Variants in RIMBP2 observed in about 807,000 individuals in gnomAD.
The protein encoded by RIMBP2 is RIMS-binding protein 2.
Under a neutral mutation model 118.6 loss-of-function variants are expected in RIMBP2, and 48 were observed. That is an observed-to-expected ratio of 0.40 (90% CI 0.32 to 0.51). The LOEUF is 0.51. RIMBP2 is among the 20% of genes least tolerant of loss of function. The pLI is 0.41. For synonymous variants in RIMBP2, 762 were observed against 742.9 expected, an observed-to-expected ratio of 1.03 and a Z score of -0.42; for missense variants, 1,551 against 1,768.3, an observed-to-expected ratio of 0.88 and a Z score of 2.20.
intron 2 of RIMBP2, among the ~76,000 whole-genome samples, chr12:130,543,993 A>T (rs1368842306): frequency 6.6e-6 from 1 of 152,108 alleles, no homozygotes; most frequent in East Asian, 1.9e-4. Flanking sequence ...TCCTATGCAA[A>T]CCACCTTATG....
rs149584413 is a variant in RIMBP2, at chr12:130,445,200, G to A, written c.651C>T (p.Leu217=). ...CCTCATCCATGTCTCCATAGACGTA[G>A]AGGTATTTTCCCGCCGTGAGGGGCA... ...AELPLTAGKY[L]YVYGDMDEDG... The change falls in exon 10 of 23, where the codon CTC becomes CTT. Residue 217 remains leucine, a synonymous_variant. Transcript: ENST00000690449. The A allele has an allele frequency of 2.5e-6, 4 of 1,613,184 alleles. No homozygotes were observed. The highest frequency in any genetic ancestry group is 2.7e-5 in the African/African-American group (2 of 74,862).
At chr12:130,398,389 G>T (rs144298501) in intron 22 of RIMBP2, 10 of 152,702 alleles carry the variant, frequency 6.5e-5, no homozygotes, top group African/African-American at 2.4e-4. Context: ...CTTCAAGCTT[G>T]CTTGGATTTA....
intron 2 of RIMBP2, among the ~76,000 whole-genome samples, chr12:130,534,576 C>T (rs776385408): frequency 6.6e-6 from 1 of 152,144 alleles, no homozygotes; most frequent in Non-Finnish European, 1.5e-5. Flanking sequence ...TGTGAGAGTC[C>T]CCATGGCTTT....
intron 2 of RIMBP2, among the ~76,000 whole-genome samples, chr12:130,593,281 G>T (rs1487905389): frequency 6.6e-6 from 1 of 152,200 alleles, no homozygotes; most frequent in East Asian, 1.9e-4. Flanking sequence ...ACAGGGCGTC[G>T]TTCACACTGC....
At chr12:130,629,972 T>A (rs2061887409) in intron 1 of RIMBP2, among the ~76,000 whole-genome samples, 1 of 84,882 alleles carries the variant, frequency 1.2e-5, no homozygotes, top group Admixed American at 1.4e-4. Flanking sequence ...CCAATCAAGC[T>A]TTAAAAAAAA....
chr12:130,649,569 C>T (rs60844569), intron 1 of RIMBP2, among the ~76,000 whole-genome samples: 16,446 of 152,184 alleles, frequency 0.11, 1,846 homozygotes, highest in East Asian at 0.26. Flanking sequence ...GGGAAAAATC[C>T]GGGGTGAACG....
In RIMBP2 at chr12:130,438,365, C is replaced by A; in HGVS notation, c.1656G>T (p.Arg552Ser). 2 of 1,586,028 alleles carry A rather than the reference C, an allele frequency of 1.3e-6. No individual in the cohort carries two copies. The highest frequency in any genetic ancestry group is 1.7e-6 in the Non-Finnish European group (2 of 1,162,776). Residue 552 changes from arginine to serine, a missense_variant and splice_region_variant, in exon 12 of 23, where the codon AGG becomes AGT. By Grantham distance (110) the Arg-to-Ser change is moderately radical (BLOSUM62 -1). Around this residue, in one of 5 missense-constraint regions of RIMBP2, gnomAD observed 1,038 missense variants for 1,125.1 expected, o/e 0.92. Transcript: ENST00000690449. ...TGYGVYAKGQRVAEVIFPTAD... is the reference protein window; with the variant it reads ...TGYGVYAKGQSVAEVIFPTAD... ...CCCCACCCACCCAACGAAAACTCAC[C>A]CTCTGCCCTTTGGCATACACGCCGT...
chr12:130,595,489 G>T (rs1380084158), intron 2 of RIMBP2, among the ~76,000 whole-genome samples: 1 of 152,158 alleles, frequency 6.6e-6, no homozygotes, highest in African/African-American at 2.4e-5. Context: ...GGCAGAGCTT[G>T]CAGTGAGCCC....
At chr12:130,533,030 C>T (rs530429061) in intron 2 of RIMBP2, among the ~76,000 whole-genome samples, 10 of 133,330 alleles carry the variant, frequency 7.5e-5, no homozygotes, top group Admixed American at 2.4e-4. Context: ...TAATGAGATG[C>T]GTGTGTGTAG....
Position 130,431,317 on chromosome 12 carries a change from C to A in RIMBP2, c.2254-2980G>T. 2 of 259,118 alleles carry A rather than the reference C, an allele frequency of 7.7e-6. No homozygotes were observed. Among genetic ancestry groups the A allele is most frequent in the Admixed American group, 3.5e-5 (1 of 28,534 alleles). 16.1% of individuals were successfully genotyped at this position (259,118 alleles called of 1,614,324 possible). A position where few individuals can be genotyped will look rare whatever the true frequency, so the allele number is the denominator to read the frequency against. On this transcript the variant is annotated intron_variant, in intron 14 of 22. Coordinates refer to ENST00000690449, the MANE Select transcript of RIMBP2 (RefSeq NM_001393629.1). This position sits in a 1 kb window ranked among gnomAD's most constrained non-coding sequence, Gnocchi z 4.0. ...CGCCAGGGGGTAAGGGCTCATGTGA[C>A]GGGGCGGGCAGCATGGGGAAGCGGA...
At chr12:130,646,046 TCCACCTCCCTCA>T (rs1405745795) in intron 1 of RIMBP2, among the ~76,000 whole-genome samples, 3 of 111,528 alleles carry the variant, frequency 2.7e-5, no homozygotes, top group Non-Finnish European at 6.0e-5. Flanking sequence ...CAGTTCCCTC[TCCACCTCCCTCA>T]CCACCTGCCT....
intron 21 of RIMBP2, among the ~76,000 whole-genome samples, chr12:130,401,117 TC>T (rs1175635111): frequency 2.6e-5 from 4 of 151,688 alleles, no homozygotes; most frequent in Non-Finnish European, 4.4e-5. Context: ...TGATTTTATA[TC>T]TTTTTTTTTT....
chr12:130,533,144 C>T lies in RIMBP2; in HGVS notation c.-216-15227G>A, dbSNP rs182269518. Among the ~76,000 whole-genome samples the T allele has an allele frequency of 5.2e-3, 792 of 151,298 alleles. 9 individuals carry two copies. The highest frequency in any genetic ancestry group is 0.018 in the Admixed American group (280 of 15,212). ...TCTAGGAGGGACGTCTAATGAGATGCGTGTGTTTAGCCTCTAGGAGTTACG... is the reference window on the plus strand; with the variant it reads ...TCTAGGAGGGACGTCTAATGAGATGTGTGTGTTTAGCCTCTAGGAGTTACG... On this transcript the variant is annotated intron_variant, in intron 2 of 22. Coordinates refer to ENST00000690449, the MANE Select transcript of RIMBP2 (RefSeq NM_001393629.1).
intron 1 of RIMBP2, among the ~76,000 whole-genome samples, chr12:130,715,118 T>C (rs1232641658): frequency 6.6e-6 from 1 of 152,206 alleles, no homozygotes; most frequent in Non-Finnish European, 1.5e-5. Flanking sequence ...CTCTCAGGCC[T>C]GCTCCATCTG....
At chr12:130,555,901 C>G (rs936482266) in intron 2 of RIMBP2, among the ~76,000 whole-genome samples, 1 of 152,168 alleles carries the variant, frequency 6.6e-6, no homozygotes, top group African/African-American at 2.4e-5. Context: ...CCGTGCAGGC[C>G]GGCTCTCAGA....
intron 1 of RIMBP2, among the ~76,000 whole-genome samples, chr12:130,640,980 A>T (rs2062590834): frequency 6.6e-6 from 1 of 152,254 alleles, no homozygotes; most frequent in Non-Finnish European, 1.5e-5. Flanking sequence ...GAAAGGGCAG[A>T]CATGGCCCTA....
chr12:130,696,634 T>C (rs2065589185), intron 1 of RIMBP2, among the ~76,000 whole-genome samples: 1 of 152,194 alleles, frequency 6.6e-6, no homozygotes, highest in South Asian at 2.1e-4. Context: ...ATTTAACAAA[T>C]GAGGTTTAAC....
intron 19 of RIMBP2, among the ~76,000 whole-genome samples, chr12:130,408,503 G>A (rs1023990323): frequency 2.6e-5 from 4 of 152,284 alleles, no homozygotes; most frequent in Admixed American, 6.5e-5. Flanking sequence ...GCCACAGATC[G>A]GGGCCTGGGC....
At chr12:130,426,621 G>A (rs1289940197) in intron 15 of RIMBP2, 2 of 152,284 alleles carry the variant, frequency 1.3e-5, no homozygotes, top group African/African-American at 4.8e-5. Flanking sequence ...GTGGATGGGA[G>A]AGGGAGGCTG....
Sources: allele counts gnomAD v4.1 joint callset (sites outside exome capture counted in the v4.1 genomes callset), GRCh38; gene constraint gnomAD v4.1.1; regional missense constraint gnomAD v4.1.1; non-coding constraint Gnocchi (gnomAD v3.1); transcripts MANE v1.5; gene names NCBI Gene and HGNC (gene_info 2026-07-23, HGNC 2026-07-21).